The following RBFOX1 variants were observed in gnomAD, a reference collection of about 807,000 sequenced individuals.
RBFOX1 encodes the protein RNA binding fox-1 homolog 1, also known as RNA binding protein fox-1 homolog 1.
Under a neutral mutation model 57.7 loss-of-function variants are expected in RBFOX1, and 8 were observed. The ratio of observed to expected loss-of-function variants is 0.14; its 90% CI spans 0.08 to 0.25. The LOEUF is 0.25. Among genes scored for constraint, RBFOX1 ranks in the 10% least tolerant of loss-of-function variants. The probability of loss-of-function intolerance (pLI) is 1.00; values close to 1 mark genes in which losing one functional copy is unlikely to be tolerated. For missense variants in RBFOX1, 611 were observed against 548.5 expected (o/e 1.11, Z -1.14); for synonymous variants, 326 against 222.4 (o/e 1.47, Z -4.15).
At chr16:6,114,576 C>G (rs34149754) in intron 1 of RBFOX1, among the ~76,000 whole-genome samples, 5,952 of 152,090 alleles carry the variant, frequency 0.039, 199 homozygotes, top group African/African-American at 0.083. Flanking sequence ...TTGGAGGGGG[C>G]GTAACTTATG....
chr16:7,026,152 T>C (rs79525435), intron 3 of RBFOX1, among the ~76,000 whole-genome samples: 5,906 of 152,192 alleles, frequency 0.039, 401 homozygotes, highest in African/African-American at 0.13. Context: ...TCCCTCTGCG[T>C]GGGGTCTCCC....
chr16:6,021,816 A>T (rs936474761), intron 1 of RBFOX1, among the ~76,000 whole-genome samples: 1 of 152,160 alleles, frequency 6.6e-6, no homozygotes, highest in Non-Finnish European at 1.5e-5. Context: ...TCAGAGTTTC[A>T]GTCGTAGTTC....
chr16:7,670,389 C>A (rs1381788518), intron 13 of RBFOX1, among the ~76,000 whole-genome samples: 1 of 152,124 alleles, frequency 6.6e-6, no homozygotes, highest in Non-Finnish European at 1.5e-5. Context: ...AATCTTCAGA[C>A]ACTGGGCCTT....
chr16:7,508,953 A>G (rs1481918645), intron 4 of RBFOX1, among the ~76,000 whole-genome samples: 1 of 152,240 alleles, frequency 6.6e-6, no homozygotes, highest in Non-Finnish European at 1.5e-5. Context: ...GACAAGCAAG[A>G]AAGACATGAG....
At chr16:6,666,124 C>G (rs893562650) in intron 3 of RBFOX1, among the ~76,000 whole-genome samples, 4 of 152,136 alleles carry the variant, frequency 2.6e-5, no homozygotes, top group Non-Finnish European at 5.9e-5. Context: ...GGTTATGAGA[C>G]CTGCCAGCCA....
At chr16:6,147,308 A>G (rs747442065) in intron 1 of RBFOX1, among the ~76,000 whole-genome samples, 45 of 152,250 alleles carry the variant, frequency 3.0e-4, no homozygotes, top group African/African-American at 1.1e-3. Flanking sequence ...CTGTGCTCTC[A>G]TAAGTACAGG....
chr16:6,713,589 C>T (rs146160354), intron 3 of RBFOX1, among the ~76,000 whole-genome samples: 1 of 152,090 alleles, frequency 6.6e-6, no homozygotes, highest in Non-Finnish European at 1.5e-5. Context: ...TCAAGTGTCC[C>T]TTTGTGGGCA....
At chr16:6,621,826 A>G (rs1472838736) in intron 2 of RBFOX1, among the ~76,000 whole-genome samples, 2 of 152,156 alleles carry the variant, frequency 1.3e-5, no homozygotes, top group Non-Finnish European at 2.9e-5. Context: ...AAGACCACAC[A>G]CATCACACAA....
chr16:6,992,130 C>G (rs2091572916), intron 3 of RBFOX1, among the ~76,000 whole-genome samples: 1 of 151,812 alleles, frequency 6.6e-6, no homozygotes, highest in Non-Finnish European at 1.5e-5. Flanking sequence ...CCTTTCCAGT[C>G]TGTGTAGGAA....
chr16:7,595,671 C>CT lies in RBFOX1; in HGVS notation c.561+36dup, dbSNP rs780993077. 3.9e-6 allele frequency: 6 copies of CT among 1,541,890 alleles called. No individual in the cohort carries two copies. The African/African-American group carries it at 5.5e-5, about 14-fold the overall frequency. On this transcript the variant is annotated intron_variant, in intron 8 of 15. Transcript: ENST00000550418. The stretch of plus-strand genomic sequence containing the variant: ...ATGTTCAAAATATTTTCCTTTTCAT[C>CT]TTTTTTATAAATGTCTGCTTCACGC...
chr16:6,703,617 G>C (rs1242970188), intron 3 of RBFOX1, among the ~76,000 whole-genome samples: 2 of 152,128 alleles, frequency 1.3e-5, no homozygotes, highest in African/African-American at 4.8e-5. Flanking sequence ...TGAGGTGGGA[G>C]GATCACTTGA....
At chr16:5,735,952 G>A (rs1333919651) in intron 3 of RBFOX1, among the ~76,000 whole-genome samples, 1 of 152,108 alleles carries the variant, frequency 6.6e-6, no homozygotes, top group African/African-American at 2.4e-5. Flanking sequence ...CAGATGGGAG[G>A]AAGGCGCGGG....
intron 3 of RBFOX1, among the ~76,000 whole-genome samples, chr16:5,862,415 G>A (rs1362173775): frequency 1.3e-5 from 2 of 152,118 alleles, no homozygotes; most frequent in Non-Finnish European, 2.9e-5. Context: ...GCTGCCTGGC[G>A]GGTCGCTTGT....
At chr16:6,556,672 T>C (rs1013132514) in intron 2 of RBFOX1, among the ~76,000 whole-genome samples, 1 of 152,186 alleles carries the variant, frequency 6.6e-6, no homozygotes, top group Admixed American at 6.5e-5. Context: ...CAAATTGTTT[T>C]GTTATAATCA....
chr16:7,141,781 C>T (rs1169948499), intron 4 of RBFOX1, among the ~76,000 whole-genome samples: 5 of 152,074 alleles, frequency 3.3e-5, no homozygotes, highest in Non-Finnish European at 5.9e-5. Flanking sequence ...CTGCTGTCAC[C>T]AGCCTGGTCA....
At chr16:5,956,009 C>G (rs1435509207) in intron 4 of RBFOX1, among the ~76,000 whole-genome samples, 3 of 152,118 alleles carry the variant, frequency 2.0e-5, no homozygotes, top group Admixed American at 6.5e-5. Flanking sequence ...TGCCTGTAAT[C>G]CCAGTACTTT....
chr16:7,383,861 C>G (rs966135979), intron 4 of RBFOX1, among the ~76,000 whole-genome samples: 10 of 151,980 alleles, frequency 6.6e-5, no homozygotes, highest in African/African-American at 2.4e-4. Context: ...TCGAGACTAT[C>G]CTGGCTAACA....
chr16:6,413,389 C>T (rs973142877), intron 2 of RBFOX1, among the ~76,000 whole-genome samples: 1 of 151,824 alleles, frequency 6.6e-6, no homozygotes, highest in African/African-American at 2.4e-5. Flanking sequence ...GTCTTGAACC[C>T]CTGGGCTCAA....
chr16:6,076,347 T>C (rs1410582978), intron 1 of RBFOX1, among the ~76,000 whole-genome samples: 9 of 150,506 alleles, frequency 6.0e-5, no homozygotes, highest in Admixed American at 2.0e-4. Flanking sequence ...CACACACACA[T>C]ACACACACAC....
Sources: allele counts gnomAD v4.1 joint callset (sites outside exome capture counted in the v4.1 genomes callset), GRCh38; gene constraint gnomAD v4.1.1; transcripts MANE v1.5; gene names NCBI Gene and HGNC (gene_info 2026-07-23, HGNC 2026-07-21).